The following VPS13B variants were observed in gnomAD, a reference collection of about 807,000 sequenced individuals.
The protein encoded by VPS13B is intermembrane lipid transfer protein VPS13B.
Under a neutral mutation model 426.4 loss-of-function variants are expected in VPS13B, and 285 were observed. The ratio of observed to expected loss-of-function variants is 0.67; its 90% CI spans 0.61 to 0.74. VPS13B has a LOEUF of 0.74. Ranked by LOEUF, VPS13B falls within the 30% of genes least tolerant of loss-of-function variation. The pLI is 0.00. For synonymous variants in VPS13B, 1,676 were observed against 1,676.4 expected (o/e 1.00, Z 0.01); for missense variants, 4,537 against 4,782.6 (o/e 0.95, Z 1.51).
chr8:99,284,258 A>G (rs947431755), intron 19 of VPS13B, among the ~76,000 whole-genome samples: 1 of 152,158 alleles, frequency 6.6e-6, no homozygotes, highest in African/African-American at 2.4e-5. Flanking sequence ...TTTCAAATTT[A>G]TCTTTATTAA....
At chr8:99,525,116 G>C (rs187356460) in intron 30 of VPS13B, among the ~76,000 whole-genome samples, 1 of 152,282 alleles carries the variant, frequency 6.6e-6, no homozygotes, top group African/African-American at 2.4e-5. Flanking sequence ...ACTGGTAATA[G>C]TAAGTACACA....
chr8:99,403,489 TA>T (rs2133340861), intron 21 of VPS13B, among the ~76,000 whole-genome samples: 1 of 148,952 alleles, frequency 6.7e-6, no homozygotes, highest in South Asian at 2.1e-4. Flanking sequence ...GCAGAGGTTG[TA>T]GTGAGCCGAG....
chr8:99,465,409 T>C (rs1459467184), intron 23 of VPS13B, among the ~76,000 whole-genome samples: 1 of 152,010 alleles, frequency 6.6e-6, no homozygotes, highest in Non-Finnish European at 1.5e-5. Flanking sequence ...TGAAAGGTTT[T>C]TTTTTTTTTT....
intron 29 of VPS13B, among the ~76,000 whole-genome samples, chr8:99,519,353 G>C (rs577332503): frequency 6.6e-6 from 1 of 152,248 alleles, no homozygotes; most frequent in East Asian, 1.9e-4. Context: ...CACTGTTGGC[G>C]GGACTGTAAA....
intron 8 of VPS13B, among the ~76,000 whole-genome samples, chr8:99,122,992 A>T (rs983186813): frequency 2.6e-5 from 4 of 151,802 alleles, no homozygotes; most frequent in African/African-American, 9.7e-5. Flanking sequence ...GTGGTGACGC[A>T]TGCCTGTAAT....
At chr8:99,655,231 A>G (rs1019625205) in intron 34 of VPS13B, among the ~76,000 whole-genome samples, 5 of 152,224 alleles carry the variant, frequency 3.3e-5, no homozygotes, top group Non-Finnish European at 7.3e-5. Flanking sequence ...ACGAAGTCCA[A>G]TTACACTGGA....
rs190552072 is a variant in VPS13B, at chr8:99,429,257, G to A, written c.3083-2280G>A. Among the ~76,000 whole-genome samples the A allele has an allele frequency of 1.2e-3, 173 of 147,832 alleles. 1 individual carries two copies. The highest frequency in any genetic ancestry group is 7.0e-3 in the Middle Eastern group (2 of 286). On this transcript the variant is annotated intron_variant, in intron 21 of 61. Transcript: ENST00000357162. ...TAACAAACCTGCACGTTGTGCACAT[G>A]TACCCTAAAACTTAAAGTATAATAA...
At chr8:99,555,894 TGAAGAGCAAG>T (rs753360091) in intron 30 of VPS13B, among the ~76,000 whole-genome samples, 26 of 152,258 alleles carry the variant, frequency 1.7e-4, no homozygotes, top group Non-Finnish European at 3.7e-4. Flanking sequence ...ATATAAAGAA[TGAAGAGCAAG>T]GGTTGAAGGG....
rs369677524 is a variant in VPS13B at position 99,221,165 on chromosome 8, C to T, written c.2515+28108C>T. Reference sequence around the variant, plus strand: ...AGTATTCCATGGTGTATATGTGCCACATTTTCTTAATCCAGTCTATCATTG... The same window carrying T: ...AGTATTCCATGGTGTATATGTGCCATATTTTCTTAATCCAGTCTATCATTG... On this transcript the variant is annotated intron_variant, in intron 17 of 61. Coordinates refer to ENST00000357162, the MANE Select transcript of VPS13B (RefSeq NM_152564.5). 8.1e-5 allele frequency among the ~76,000 whole-genome samples: 11 copies of T among 136,052 alleles called. No homozygotes were observed. The East Asian group carries it at 1.9e-3, about 23-fold the overall frequency. The allele number at this position is 136,052 out of a possible 152,430, so 89.3% of individuals were successfully genotyped here.
In VPS13B at chr8:99,575,777, A is replaced by G. The variant is rs202135519; in HGVS notation, c.5069A>G (p.His1690Arg). ...AAAGTAGTTTCTCCAGAAAATTTGCATACTGAGGTTAGAACATAATTTTGA... is the reference window on the plus strand; with the variant it reads ...AAAGTAGTTTCTCCAGAAAATTTGCGTACTGAGGTTAGAACATAATTTTGA... ...FTKVVSPENLHTEEILVCGHS... is the reference protein window; with the variant it reads ...FTKVVSPENLRTEEILVCGHS... The change falls in exon 32 of 62, where the codon CAT becomes CGT. Residue 1690 changes from histidine (H) to arginine (R), a missense_variant. His to Arg is a conservative substitution (Grantham distance 29, BLOSUM62 0). Coordinates refer to ENST00000357162, the MANE Select transcript of VPS13B (RefSeq NM_152564.5). The G allele has an allele frequency of 1.2e-6, 2 of 1,613,572 alleles. No individual in the cohort carries two copies. Among genetic ancestry groups the G allele is most frequent in the African/African-American group, 1.3e-5 (1 of 75,036 alleles).
chr8:99,084,925 A>C (rs1845690643), intron 3 of VPS13B, among the ~76,000 whole-genome samples: 1 of 152,186 alleles, frequency 6.6e-6, no homozygotes, highest in Non-Finnish European at 1.5e-5. Flanking sequence ...AAGAATGTAT[A>C]TTCTGTTGAT....
intron 24 of VPS13B, 81 bp from the exon 25 acceptor site, chr8:99,481,518 A>G: frequency 7.0e-7 from 1 of 1,430,274 alleles, no homozygotes; most frequent in South Asian, 1.2e-5. Flanking sequence ...GGAATAGTTA[A>G]TTTTCTCATA....
intron 39 of VPS13B, among the ~76,000 whole-genome samples, chr8:99,746,527 T>C (rs1207905245): frequency 2.0e-5 from 3 of 152,176 alleles, no homozygotes; most frequent in Non-Finnish European, 4.4e-5. Flanking sequence ...CGCCAGAAAT[T>C]CTGCTTAACA....
chr8:99,496,066 C>A (rs1820865053), intron 25 of VPS13B, among the ~76,000 whole-genome samples: 2 of 151,974 alleles, frequency 1.3e-5, no homozygotes, highest in South Asian at 4.1e-4. Context: ...GAAATTTAGC[C>A]CATAGTTGGA....
At chr8:99,786,653 T>C (rs1812279781) in intron 43 of VPS13B, among the ~76,000 whole-genome samples, 1 of 152,216 alleles carries the variant, frequency 6.6e-6, no homozygotes, top group South Asian at 2.1e-4. Context: ...TAATAAACTT[T>C]GTTTTTTCTT....
intron 36 of VPS13B, among the ~76,000 whole-genome samples, chr8:99,702,341 A>G (rs1227424061): frequency 1.3e-5 from 2 of 152,214 alleles, no homozygotes; most frequent in African/African-American, 4.8e-5. Flanking sequence ...TACAGTTTAT[A>G]TAACTGTTGT....
intron 44 of VPS13B, among the ~76,000 whole-genome samples, chr8:99,811,379 T>TC (rs1813691176): frequency 6.6e-6 from 1 of 152,198 alleles, no homozygotes; most frequent in Non-Finnish European, 1.5e-5. Flanking sequence ...CTATTGTGTT[T>TC]CCCCTTGGTT....
chr8:99,527,023 C>A (rs935354896), intron 30 of VPS13B, among the ~76,000 whole-genome samples: 1 of 151,986 alleles, frequency 6.6e-6, no homozygotes, highest in Admixed American at 6.6e-5. Flanking sequence ...ACCTTTTAAA[C>A]GGAGATCATT....
intron 3 of VPS13B, among the ~76,000 whole-genome samples, chr8:99,063,420 C>T (rs562631875): frequency 3.9e-5 from 6 of 152,364 alleles, no homozygotes; most frequent in Middle Eastern, 3.4e-3. Flanking sequence ...GAGATTATAT[C>T]CCATGCCTGG....
Sources: gnomAD v4.1 joint callset for allele counts (sites outside exome capture counted in the v4.1 genomes callset) on GRCh38, gnomAD v4.1.1 for gene constraint, MANE v1.5 for transcripts, NCBI Gene and HGNC (gene_info 2026-07-23, HGNC 2026-07-21) for gene names.